CREBRF: variants seen among roughly 807,000 people sequenced by gnomAD.
CREBRF encodes the protein CREB3 regulatory factor.
Under a neutral mutation model 66.1 loss-of-function variants are expected in CREBRF, and 5 were observed. That is an observed-to-expected ratio of 0.08 (90% CI 0.04 to 0.16). The LOEUF (loss-of-function observed/expected upper bound fraction) is 0.16. Among genes scored for constraint, CREBRF ranks in the 10% least tolerant of loss-of-function variants. The pLI is 1.00. For synonymous variants in CREBRF, 229 were observed against 264.4 expected, an observed-to-expected ratio of 0.87 and a Z score of 1.30; for missense variants, 531 against 744.9, an observed-to-expected ratio of 0.71 and a Z score of 3.34.
intron 1 of CREBRF, among the ~76,000 whole-genome samples, chr5:173,058,463 TGG>T (rs1414028022): frequency 6.6e-6 from 1 of 152,134 alleles, no homozygotes; most frequent in African/African-American, 2.4e-5. Flanking sequence ...AAAGAATAAT[TGG>T]TAACTGATTC....
At chr5:173,103,048 G>T (rs1388904489) in intron 4 of CREBRF, among the ~76,000 whole-genome samples, 1 of 152,176 alleles carries the variant, frequency 6.6e-6, no homozygotes, top group Non-Finnish European at 1.5e-5. Flanking sequence ...ACTCTCACAG[G>T]GAGGCAGAAC....
chr5:173,060,259 C>CT (rs1407013823), intron 1 of CREBRF: 4 of 144,326 alleles, frequency 2.8e-5, no homozygotes, highest in South Asian at 2.2e-4. Context: ...GAGACGGAGT[C>CT]TAACTGCGTT....
chr5:173,130,939 C>A (rs571471392), intron 8 of CREBRF, among the ~76,000 whole-genome samples: 1 of 152,108 alleles, frequency 6.6e-6, no homozygotes, highest in East Asian at 1.9e-4. Flanking sequence ...ACTCCTGACC[C>A]CAAGTGATCC....
chr5:173,097,314 C>T (rs185074643), intron 4 of CREBRF, among the ~76,000 whole-genome samples: 58 of 152,218 alleles, frequency 3.8e-4, no homozygotes, highest in Admixed American at 2.7e-3. Flanking sequence ...GGCATGAACT[C>T]GGCTCACTGC....
chr5:173,130,850 G>A (rs1049465809), intron 8 of CREBRF, among the ~76,000 whole-genome samples: 2 of 151,960 alleles, frequency 1.3e-5, no homozygotes, highest in Admixed American at 6.6e-5. Context: ...GTCACTGGTC[G>A]TACACCACCA....
At chr5:173,080,517 A>G (rs546120912) in intron 1 of CREBRF, 68 bp from the exon 2 acceptor site, 6 of 529,046 alleles carry the variant, frequency 1.1e-5, no homozygotes, top group South Asian at 8.3e-5. Context: ...TCAAAAGTCA[A>G]CTTTTTTTTT....
intron 7 of CREBRF, among the ~76,000 whole-genome samples, chr5:173,118,273 G>A (rs547889772): frequency 3.9e-5 from 6 of 152,308 alleles, no homozygotes; most frequent in African/African-American, 1.4e-4. Flanking sequence ...GCCTCCCAAA[G>A]TGCTGGATGG....
chr5:173,069,029 G>A (rs1256712399), intron 1 of CREBRF, among the ~76,000 whole-genome samples: 7 of 151,634 alleles, frequency 4.6e-5, no homozygotes, highest in South Asian at 2.3e-4. Flanking sequence ...CTGAGATCAC[G>A]CCACTGCACT....
intron 1 of CREBRF, among the ~76,000 whole-genome samples, chr5:173,062,849 G>A (rs1450145863): frequency 6.7e-6 from 1 of 148,412 alleles, no homozygotes; most frequent in African/African-American, 2.5e-5. Context: ...CCGGGTTCAC[G>A]CCATTCTCCT....
At chr5:173,060,371 C>A (rs928872937) in intron 1 of CREBRF, 7 of 151,898 alleles carry the variant, frequency 4.6e-5, no homozygotes, top group African/African-American at 1.7e-4. Flanking sequence ...GCTAGGATTA[C>A]AGGCGTGCAC....
chr5:173,130,156 T>C (rs894712802), intron 8 of CREBRF, among the ~76,000 whole-genome samples: 1 of 152,202 alleles, frequency 6.6e-6, no homozygotes, highest in Non-Finnish European at 1.5e-5. Context: ...TTTGGATTTT[T>C]TTTGTTATTT....
intron 4 of CREBRF, among the ~76,000 whole-genome samples, chr5:173,099,645 T>A (rs1176667835): frequency 1.3e-5 from 2 of 152,192 alleles, no homozygotes; most frequent in Non-Finnish European, 2.9e-5. Context: ...GCTCTCTTCC[T>A]CTGTGATTTG....
intron 2 of CREBRF, among the ~76,000 whole-genome samples, chr5:173,082,003 G>GTTTTT (rs869148787): frequency 6.4e-5 from 5 of 78,076 alleles, no homozygotes; most frequent in East Asian, 3.3e-4. Flanking sequence ...TCAAGGTTTA[G>GTTTTT]TTTTTTTTTT....
intron 7 of CREBRF, among the ~76,000 whole-genome samples, chr5:173,116,608 A>G (rs1325013980): frequency 6.6e-6 from 1 of 152,228 alleles, no homozygotes; most frequent in Non-Finnish European, 1.5e-5. Flanking sequence ...TGGATGTACT[A>G]CAATTTGTTT....
At chr5:173,057,019 G>C (rs1757072874) in intron 1 of CREBRF, among the ~76,000 whole-genome samples, 1 of 152,080 alleles carries the variant, frequency 6.6e-6, no homozygotes, top group Non-Finnish European at 1.5e-5. Flanking sequence ...GGGGCTAGGG[G>C]GGTCCGAGCA....
chr5:173,126,329 T>C lies in CREBRF; in HGVS notation c.1804+3127T>C, dbSNP rs374592936. 2.6e-5 allele frequency among the ~76,000 whole-genome samples: 4 copies of C among 152,246 alleles called. No homozygotes were observed. In the South Asian group the frequency reaches 8.3e-4, roughly 32 times the overall value. ...CTGATTTTTGTGTTTTTACTGGGGA[T>C]GGGGTTTCACCATGTTGGCCAGGCT... On this transcript the variant is annotated intron_variant, in intron 8 of 8. Coordinates refer to ENST00000296953, the MANE Select transcript of CREBRF (RefSeq NM_153607.3).
intron 2 of CREBRF, among the ~76,000 whole-genome samples, chr5:173,081,282 C>G (rs1757931898): frequency 6.6e-6 from 1 of 152,136 alleles, no homozygotes; most frequent in African/African-American, 2.4e-5. Flanking sequence ...CAAAATATAT[C>G]TAAGAATGAT....
intron 2 of CREBRF, among the ~76,000 whole-genome samples, chr5:173,082,482 G>A (rs1034154703): frequency 1.3e-5 from 2 of 151,636 alleles, no homozygotes; most frequent in Non-Finnish European, 2.9e-5. Flanking sequence ...AGAAAAATAC[G>A]ATGAGAGGGT....
At chr5:173,121,956 C>A (rs1408176309) in intron 7 of CREBRF, among the ~76,000 whole-genome samples, 3 of 152,168 alleles carry the variant, frequency 2.0e-5, no homozygotes, top group Non-Finnish European at 4.4e-5. Context: ...CCTGCAACTC[C>A]TGGGCTAAAG....
Sources: allele counts gnomAD v4.1 joint callset (sites outside exome capture counted in the v4.1 genomes callset), GRCh38; gene constraint gnomAD v4.1.1; transcripts MANE v1.5; gene names NCBI Gene and HGNC (gene_info 2026-07-23, HGNC 2026-07-21).